USP50: variants seen among roughly 807,000 people sequenced by gnomAD.
USP50 encodes the protein ubiquitin specific peptidase 50.
Under a neutral mutation model 39.2 loss-of-function variants are expected in USP50, and 37 were observed. The observed-to-expected ratio is 0.94, with a 90% confidence interval of 0.73 to 1.24. The LOEUF (loss-of-function observed/expected upper bound fraction) is 1.24. Ranked by LOEUF, USP50 falls within the 50% of genes most tolerant of loss-of-function variation. The pLI is 0.00. For synonymous variants in USP50, 139 were observed against 144.5 expected (o/e 0.96, Z 0.27); for missense variants, 374 against 398.2 (o/e 0.94, Z 0.52).
chr15:50,509,131 A>G (rs12595682), intron 6 of USP50: 1 of 100,518 alleles, frequency 9.9e-6, no homozygotes, highest in Non-Finnish European at 2.1e-5. Context: ...AGACTCCGTC[A>G]CAAAAAAAAA....
At chr15:50,536,592 G>T (rs145959309) in intron 5 of USP50, among the ~76,000 whole-genome samples, 8,657 of 152,136 alleles carry the variant, frequency 0.057, 311 homozygotes, top group African/African-American at 0.1. Context: ...AGTGAGCCGA[G>T]ATCGTGCCAC....
chr15:50,494,340 A>G, intron 1 of USP50: 1 of 1,421,014 alleles, frequency 7.0e-7, no homozygotes, highest in South Asian at 1.4e-5. Flanking sequence ...GTAGCACTGT[A>G]TTTTTATAGC....
intron 6 of USP50, among the ~76,000 whole-genome samples, chr15:50,519,566 T>A (rs962492318): frequency 7.3e-5 from 11 of 150,922 alleles, no homozygotes; most frequent in Non-Finnish European, 1.5e-4. Flanking sequence ...TACAAAAAAA[T>A]TAGGCGGGTG....
At chr15:50,509,687 A>G (rs919036583) in intron 6 of USP50, 5 of 152,124 alleles carry the variant, frequency 3.3e-5, no homozygotes, top group Non-Finnish European at 5.9e-5. Context: ...AAAAGAGACA[A>G]GTCAACGATA....
At position 50,500,718 on chromosome 15, in the gene USP50, T is replaced by G. The variant is rs2052568231; in HGVS notation, c.*51A>C. 5 of 1,523,902 alleles carry G rather than the reference T, an allele frequency of 3.3e-6. No individual in the cohort carries two copies. In the South Asian group the frequency reaches 6.0e-5, roughly 18 times the overall value. The allele number at this position is 1,523,902 out of a possible 1,614,324, so 94.4% of individuals were successfully genotyped here. On this transcript the variant is annotated 3_prime_UTR_variant, in exon 7 of 7. Coordinates refer to ENST00000532404, the MANE Select transcript of USP50 (RefSeq NM_203494.5). ...TATAGAACAGGAGATCCATAGCATT[T>G]TGAACAGAAGTATCTGGAATCTCAC...
chr15:50,497,229 A>G, downstream of USP50: 1 of 1,600,052 alleles, frequency 6.2e-7, no homozygotes, highest in Middle Eastern at 1.7e-4. Flanking sequence ...TGCATCTGAA[A>G]CGGTAAAGGG....
chr15:50,518,398 T>C (rs879608548), intron 6 of USP50, among the ~76,000 whole-genome samples: 6 of 151,858 alleles, frequency 4.0e-5, no homozygotes, highest in Non-Finnish European at 5.9e-5. Context: ...TTTTTTTTTA[T>C]ATTTTTAGTA....
chr15:50,519,978 C>G (rs2052835871), intron 6 of USP50, among the ~76,000 whole-genome samples: 1 of 151,930 alleles, frequency 6.6e-6, no homozygotes, highest in Non-Finnish European at 1.5e-5. Context: ...TACCTGCACC[C>G]TCATGTTTAT....
intron 5 of USP50, among the ~76,000 whole-genome samples, chr15:50,535,435 T>C (rs1298857974): frequency 1.3e-5 from 2 of 152,234 alleles, no homozygotes; most frequent in African/African-American, 2.4e-5. Context: ...CCTTCTGGCC[T>C]AAGGTGTGCT....
At chr15:50,538,666 G>C in intron 5 of USP50, 43 bp downstream of exon 5, 1 of 1,532,316 alleles carries the variant, frequency 6.5e-7, no homozygotes, top group South Asian at 1.2e-5. Context: ...TCTCTATAAG[G>C]CTGTTCGAAA....
downstream of USP50, chr15:50,498,943 A>G: frequency 1.2e-6 from 2 of 1,613,912 alleles, no homozygotes; most frequent in South Asian, 1.1e-5. Context: ...TACACAGCCT[A>G]TTGTAAAAAT....
At chr15:50,531,107 G>A (rs191070917) in intron 5 of USP50, among the ~76,000 whole-genome samples, 55 of 152,186 alleles carry the variant, frequency 3.6e-4, no homozygotes, top group Admixed American at 1.3e-3. Context: ...ATGGAGGTCT[G>A]AGGCCGGGAA....
chr15:50,531,800 G>A (rs986722328), intron 5 of USP50, among the ~76,000 whole-genome samples: 1 of 152,154 alleles, frequency 6.6e-6, no homozygotes, highest in Non-Finnish European at 1.5e-5. Flanking sequence ...AGTTCAACAC[G>A]TAAGGAAACT....
At chr15:50,519,325 A>C (rs977282972) in intron 6 of USP50, among the ~76,000 whole-genome samples, 2 of 151,990 alleles carry the variant, frequency 1.3e-5, no homozygotes, top group Non-Finnish European at 2.9e-5. Context: ...AAAGTGTGCA[A>C]AGGACATGAA....
rs554519223 is a variant in USP50 at position 50,519,529 on chromosome 15, C to T, written c.936+10268G>A. On this transcript the variant is annotated intron_variant, in intron 6 of 6. Coordinates refer to ENST00000532404, the MANE Select transcript of USP50 (RefSeq NM_203494.5). ...GCAGATCGAGACCATCTTGGCTAAC[C>T]CGGTGAAACCCCGTCTCTACTAAAA... 3.4e-4 allele frequency among the ~76,000 whole-genome samples: 51 copies of T among 151,846 alleles called. 1 individual carries two copies. The South Asian group carries it at 0.01, about 31-fold the overall frequency.
chr15:50,520,543 G>A (rs2052840915), intron 6 of USP50, among the ~76,000 whole-genome samples: 1 of 151,918 alleles, frequency 6.6e-6, no homozygotes, highest in Admixed American at 6.6e-5. Flanking sequence ...CAAGTGATCT[G>A]CCTGCCTTGG....
chr15:50,496,474 C>CTGT (rs2052412455), downstream of USP50, among the ~76,000 whole-genome samples: 1 of 111,730 alleles, frequency 9.0e-6, no homozygotes, highest in African/African-American at 3.9e-5. Context: ...GAACAAGACT[C>CTGT]CGTCTTAAAA....
At chr15:50,496,123 A>T, downstream of USP50, 1 of 1,488,828 alleles carries the variant, frequency 6.7e-7, no homozygotes, top group Non-Finnish European at 9.2e-7. Flanking sequence ...TTTATTGGAT[A>T]AAAATGCTGT....
intron 5 of USP50, among the ~76,000 whole-genome samples, chr15:50,531,295 T>C (rs914222507): frequency 3.3e-5 from 5 of 152,112 alleles, no homozygotes; most frequent in Non-Finnish European, 4.4e-5. Flanking sequence ...TTCCTAACTA[T>C]GCAAAACTGT....
Sources: allele counts gnomAD v4.1 joint callset (sites outside exome capture counted in the v4.1 genomes callset), GRCh38; gene constraint gnomAD v4.1.1; transcripts MANE v1.5; gene names NCBI Gene and HGNC (gene_info 2026-07-23, HGNC 2026-07-21).